The following SFT2D1 variants were observed in gnomAD, a reference collection of about 807,000 sequenced individuals.
SFT2D1 encodes the protein SFT2 domain containing 1, also known as vesicle transport protein SFT2A.
SFT2D1 carries 24 observed loss-of-function variants against 28.1 expected under a neutral mutation model. The ratio of observed to expected loss-of-function variants is 0.85; its 90% CI spans 0.62 to 1.20. The LOEUF is 1.20. SFT2D1 is among the 50% of genes most tolerant of loss of function. SFT2D1 has a pLI of 0.00. For synonymous variants in SFT2D1, 82 were observed against 73.7 expected (o/e 1.11, Z -0.58); for missense variants, 181 against 190.9 (o/e 0.95, Z 0.31).
At chr6:166,324,800 AT>A in intron 5 of SFT2D1, 1 of 546,834 alleles carries the variant, frequency 1.8e-6, no homozygotes, top group Non-Finnish European at 3.2e-6. Flanking sequence ...ATATCCATTA[AT>A]TTAAATACTG....
intron 1 of SFT2D1, among the ~76,000 whole-genome samples, chr6:166,335,889 G>GT (rs1290643047): frequency 6.6e-6 from 1 of 152,176 alleles, no homozygotes; most frequent in African/African-American, 2.4e-5. Context: ...AAGAAGATAT[G>GT]TTTTAGACAA....
At chr6:166,320,283 A>G (rs1227187562) in intron 7 of SFT2D1, 27 bp from the exon 8 acceptor site, 9 of 1,597,456 alleles carry the variant, frequency 5.6e-6, no homozygotes, top group African/African-American at 1.3e-5. Flanking sequence ...GGAAAAAAAC[A>G]GAATATAATA....
At chr6:166,325,139 A>G (rs1379802872) in intron 5 of SFT2D1, among the ~76,000 whole-genome samples, 4 of 152,222 alleles carry the variant, frequency 2.6e-5, no homozygotes, top group East Asian at 1.9e-4. Flanking sequence ...TCTACTGTTT[A>G]TAAGTAAACA....
At chr6:166,334,332 C>T (rs754744707) in intron 1 of SFT2D1, among the ~76,000 whole-genome samples, 4 of 152,232 alleles carry the variant, frequency 2.6e-5, no homozygotes, top group African/African-American at 4.8e-5. Context: ...CTGTGGCTCA[C>T]GCCTGTAATC....
At chr6:166,332,104 C>T (rs1583039255) in intron 1 of SFT2D1, among the ~76,000 whole-genome samples, 1 of 152,264 alleles carries the variant, frequency 6.6e-6, no homozygotes, top group Middle Eastern at 3.4e-3. Flanking sequence ...ATATTCAATC[C>T]ACAAGCAAAT....
At chr6:166,322,256 T>C (rs75320949) in intron 7 of SFT2D1, among the ~76,000 whole-genome samples, 1 of 152,240 alleles carries the variant, frequency 6.6e-6, no homozygotes, top group Non-Finnish European at 1.5e-5. Flanking sequence ...CCTAAAGCCA[T>C]GGAAGGGTCC....
At chr6:166,341,030 ATGTTC>A (rs1272461982) in intron 1 of SFT2D1, among the ~76,000 whole-genome samples, 1 of 152,216 alleles carries the variant, frequency 6.6e-6, no homozygotes, top group African/African-American at 2.4e-5. Context: ...TGCAATGCAA[ATGTTC>A]TGTATCTGCG....
chr6:166,342,545 C>T lies in SFT2D1; in HGVS notation c.-64G>A. On this transcript the variant is annotated 5_prime_UTR_variant, in exon 1 of 8. Coordinates refer to ENST00000361731, the MANE Select transcript of SFT2D1 (RefSeq NM_145169.3). Reference sequence around the variant, plus strand: ...CCTGCCCCTGACGCCCACCAGGAAACCCCGAACCCGAAACCCCACAGACCA... The same window carrying T: ...CCTGCCCCTGACGCCCACCAGGAAATCCCGAACCCGAAACCCCACAGACCA... The T allele has an allele frequency of 7.2e-7, 1 of 1,394,584 alleles. No homozygotes were observed. 86.4% of individuals were successfully genotyped at this position (1,394,584 alleles called of 1,614,324 possible).
At chr6:166,335,711 T>C (rs1778636220) in intron 1 of SFT2D1, among the ~76,000 whole-genome samples, 1 of 152,182 alleles carries the variant, frequency 6.6e-6, no homozygotes, top group African/African-American at 2.4e-5. Context: ...GCTATGGTGG[T>C]TCTAGTAGCA....
chr6:166,341,394 A>T (rs896596750), intron 1 of SFT2D1, among the ~76,000 whole-genome samples: 6 of 150,994 alleles, frequency 4.0e-5, no homozygotes, highest in African/African-American at 1.5e-4. Flanking sequence ...GGTTGCAGCG[A>T]GTCGAGATCA....
chr6:166,329,396 T>C, intron 3 of SFT2D1, 111 bp downstream of exon 3: 1 of 804,858 alleles, frequency 1.2e-6, no homozygotes, highest in Non-Finnish European at 2.0e-6. Context: ...ATCCTGTGGC[T>C]GAATTCACAG....
chr6:166,332,711 T>C (rs932217148), intron 1 of SFT2D1, among the ~76,000 whole-genome samples: 28 of 152,330 alleles, frequency 1.8e-4, no homozygotes, highest in African/African-American at 6.3e-4. Flanking sequence ...ATCATTTTAC[T>C]TATCTGCTAC....
intron 6 of SFT2D1, chr6:166,324,178 G>A (rs1396523513): frequency 2.1e-5 from 4 of 193,868 alleles, no homozygotes; most frequent in Non-Finnish European, 4.2e-5. Context: ...GCAATAGAGT[G>A]GAGAATGCAG....
chr6:166,335,081 T>C, intron 1 of SFT2D1: 1 of 567,664 alleles, frequency 1.8e-6, no homozygotes, highest in South Asian at 1.4e-5. Flanking sequence ...TACCATACTG[T>C]GAATGGCCAA....
At chr6:166,322,803 T>G in intron 7 of SFT2D1, 54 bp downstream of exon 7, 1 of 1,423,870 alleles carries the variant, frequency 7.0e-7, no homozygotes. Context: ...ATTCATATAT[T>G]TGTGTGAAGA....
At chr6:166,325,559 CCCTCTCT>C (rs1479798542) in intron 5 of SFT2D1, among the ~76,000 whole-genome samples, 3 of 152,212 alleles carry the variant, frequency 2.0e-5, no homozygotes, top group Non-Finnish European at 4.4e-5. Flanking sequence ...TGTTTTCTGG[CCCTCTCT>C]ATTGGTTTTA....
At chr6:166,326,062 T>A in intron 5 of SFT2D1, 70 bp downstream of exon 5, 3 of 1,347,250 alleles carry the variant, frequency 2.2e-6, no homozygotes, top group Non-Finnish European at 3.2e-6. Flanking sequence ...AAGATAATGG[T>A]GTGATGACAC....
At chr6:166,334,816 CA>C in intron 1 of SFT2D1, 1 of 426,284 alleles carries the variant, frequency 2.3e-6, no homozygotes, top group South Asian at 1.9e-5. Flanking sequence ...CAAAGCCACA[CA>C]AGGTGGATGA....
chr6:166,324,602 A>G lies in SFT2D1; in HGVS notation c.352-7T>C, dbSNP rs771553948. 23 of 1,610,162 alleles carry G rather than the reference A, an allele frequency of 1.4e-5. No homozygotes were observed. Among genetic ancestry groups the G allele is most frequent in the Non-Finnish European group, 2.0e-5 (23 of 1,179,068 alleles). On this transcript the variant is annotated splice_polypyrimidine_tract_variant and splice_region_variant and intron_variant, in intron 5 of 7. Coordinates refer to ENST00000361731, the MANE Select transcript of SFT2D1 (RefSeq NM_145169.3). Reference sequence around the variant, plus strand: ...CCAGTCCCTTCTTATGCCACTAACAACAGCAAAAACAGAGCAATTATGAGT... The same window carrying G: ...CCAGTCCCTTCTTATGCCACTAACAGCAGCAAAAACAGAGCAATTATGAGT...
Sources: gnomAD v4.1 joint callset for allele counts (sites outside exome capture counted in the v4.1 genomes callset) on GRCh38, gnomAD v4.1.1 for gene constraint, MANE v1.5 for transcripts, NCBI Gene and HGNC (gene_info 2026-07-23, HGNC 2026-07-21) for gene names.